The following RAB3GAP2 variants were observed in gnomAD, a reference collection of about 807,000 sequenced individuals.
RAB3GAP2 encodes the protein rab3 GTPase-activating protein non-catalytic subunit.
In RAB3GAP2, 87 loss-of-function variants were observed where a neutral mutation model predicts 185.3. That is an observed-to-expected ratio of 0.47 (90% CI 0.39 to 0.56). RAB3GAP2 has a LOEUF of 0.56. RAB3GAP2 is among the 20% of genes least tolerant of loss of function. The pLI, the probability that RAB3GAP2 is intolerant of heterozygous loss-of-function variation, is 0.00. For synonymous variants in RAB3GAP2, 554 were observed against 576.1 expected (o/e 0.96, Z 0.55); for missense variants, 1,492 against 1,638.2 (o/e 0.91, Z 1.54).
chr1:220,159,241 GC>G, intron 29 of RAB3GAP2, 144 bp downstream of exon 29: 1 of 690,992 alleles, frequency 1.4e-6, no homozygotes, highest in South Asian at 1.8e-5. Context: ...TTTCCTTAAT[GC>G]AGTATTCTCT....
chr1:220,183,741 G>A (rs1008449579), intron 19 of RAB3GAP2, among the ~76,000 whole-genome samples: 1 of 152,052 alleles, frequency 6.6e-6, no homozygotes, highest in Admixed American at 6.5e-5. Context: ...TATAAGTCCT[G>A]TATGTGGCTC....
intron 8 of RAB3GAP2, among the ~76,000 whole-genome samples, chr1:220,204,164 C>A (rs1434808788): frequency 6.6e-6 from 1 of 152,020 alleles, no homozygotes; most frequent in South Asian, 2.1e-4. Flanking sequence ...CTAAATCCAG[C>A]ATCTCATATT....
intron 25 of RAB3GAP2, 23 bp from the exon 26 acceptor site, chr1:220,167,422 G>C: frequency 6.2e-7 from 1 of 1,613,000 alleles, no homozygotes; most frequent in Non-Finnish European, 8.5e-7. Context: ...AGAAAGCAGT[G>C]ATGTTATTTT....
In RAB3GAP2 at chr1:220,158,867, C is replaced by T. The variant is rs1657908458; in HGVS notation, c.3261+519G>A. ...CACGTACACACTCTAGTCATACAAC[C>T]ATTCTCAAGAACACATCAGAAAAAG... On this transcript the variant is annotated intron_variant, in intron 29 of 34. Transcript: ENST00000358951. This position sits in a 1 kb window ranked among gnomAD's most constrained non-coding sequence, Gnocchi z 4.3. 6.6e-6 allele frequency among the ~76,000 whole-genome samples: 1 copy of T among 152,168 alleles called. No homozygotes were observed. The highest frequency in any genetic ancestry group is 2.4e-5 in the African/African-American group (1 of 41,432).
chr1:220,187,327 C>T (rs990817140), intron 17 of RAB3GAP2, among the ~76,000 whole-genome samples: 9 of 151,944 alleles, frequency 5.9e-5, no homozygotes, highest in Admixed American at 4.6e-4. Context: ...GCTAGGAGAA[C>T]CTTTTGTTCT....
rs987649382 is a variant in RAB3GAP2 at position 220,149,132 on chromosome 1, T to C, written c.*2119A>G. The C allele has an allele frequency of 8.5e-5, 13 of 152,232 alleles. No homozygotes were observed. Among genetic ancestry groups the C allele is most frequent in the African/African-American group, 3.1e-4 (13 of 41,462 alleles). The allele number at this position is 152,232 out of a possible 1,614,324, so 9.4% of individuals were successfully genotyped here. A position where few individuals can be genotyped will look rare whatever the true frequency, so the allele number is the denominator to read the frequency against. On this transcript the variant is annotated 3_prime_UTR_variant, in exon 35 of 35. Transcript: ENST00000358951. ...ATGTCTACATAGGTATTTATTTGCCTTTCTTCCTATCAATCAGATTTATTT... is the reference window on the plus strand; with the variant it reads ...ATGTCTACATAGGTATTTATTTGCCCTTCTTCCTATCAATCAGATTTATTT...
intron 1 of RAB3GAP2, chr1:220,254,354 A>G (rs959652818): frequency 1.2e-6 from 2 of 1,613,322 alleles, no homozygotes; most frequent in African/African-American, 2.7e-5. Flanking sequence ...GGAGCGCCAC[A>G]TCTCCTGAGA....
chr1:220,174,375 T>C (rs550851664), intron 21 of RAB3GAP2, among the ~76,000 whole-genome samples: 7 of 152,162 alleles, frequency 4.6e-5, no homozygotes, highest in Admixed American at 1.3e-4. Flanking sequence ...TCATCCCATA[T>C]AGACACCCTT....
chr1:220,185,896 CGTT>C (rs1026095928), intron 17 of RAB3GAP2, among the ~76,000 whole-genome samples, 155 bp from the exon 18 acceptor site: 3 of 152,008 alleles, frequency 2.0e-5, no homozygotes, highest in East Asian at 1.9e-4. Flanking sequence ...TCTCAAGTTG[CGTT>C]GTTAAGTAAT....
chr1:220,259,362 T>C (rs1003309173), intron 1 of RAB3GAP2, among the ~76,000 whole-genome samples: 2 of 152,096 alleles, frequency 1.3e-5, no homozygotes, highest in African/African-American at 4.8e-5. Context: ...CAAAACAGTA[T>C]GGTACTGGTA....
chr1:220,187,097 T>G (rs1466822009), intron 17 of RAB3GAP2, among the ~76,000 whole-genome samples: 1 of 151,454 alleles, frequency 6.6e-6, no homozygotes, highest in Non-Finnish European at 1.5e-5. Context: ...GAAATCACTA[T>G]TCACTAAATT....
At chr1:220,245,907 G>C (rs920896788) in intron 1 of RAB3GAP2, among the ~76,000 whole-genome samples, 9 of 152,146 alleles carry the variant, frequency 5.9e-5, no homozygotes, top group Admixed American at 1.3e-4. Flanking sequence ...AGCGGGGGCA[G>C]ACTGACACCT....
intron 1 of RAB3GAP2, among the ~76,000 whole-genome samples, chr1:220,255,378 A>C (rs1660016495): frequency 6.6e-6 from 1 of 152,220 alleles, no homozygotes; most frequent in Non-Finnish European, 1.5e-5. Flanking sequence ...CCTCTTCTCT[A>C]AATGACTGCA....
intron 1 of RAB3GAP2, among the ~76,000 whole-genome samples, chr1:220,246,204 T>C (rs1272859734): frequency 6.6e-6 from 1 of 152,118 alleles, no homozygotes; most frequent in Non-Finnish European, 1.5e-5. Context: ...GTCAGAGAAA[T>C]GCAAATCAAA....
Position 220,150,425 on chromosome 1 carries a change from G to C in RAB3GAP2, c.*826C>G, listed in dbSNP as rs372766433. 6.7e-6 allele frequency: 1 copy of C among 148,816 alleles called. No homozygotes were observed. Among genetic ancestry groups the C allele is most frequent in the Non-Finnish European group, 1.5e-5 (1 of 67,458 alleles). The allele number at this position is 148,816 out of a possible 1,614,324, so 9.2% of individuals were successfully genotyped here. On this transcript the variant is annotated 3_prime_UTR_variant, in exon 35 of 35. Coordinates refer to ENST00000358951, the MANE Select transcript of RAB3GAP2 (RefSeq NM_012414.4). ...AAACACTTGTAGGAAAAATAAAGTC[G>C]GACTTAAAATTTTTAGTATCTTTGC...
intron 1 of RAB3GAP2, chr1:220,254,394 C>G: frequency 6.2e-7 from 1 of 1,612,840 alleles, no homozygotes; most frequent in Non-Finnish European, 8.5e-7. Flanking sequence ...CAATGTTGGC[C>G]TATACACCTC....
chr1:220,157,847 T>A lies in RAB3GAP2; in HGVS notation c.3291A>T (p.Thr1097=), dbSNP rs1411747717. 4 of 1,613,794 alleles carry A rather than the reference T, an allele frequency of 2.5e-6. No individual in the cohort carries two copies. In the Admixed American group the frequency reaches 5.0e-5, roughly 20 times the overall value. Residue 1097 remains threonine (T), a synonymous_variant, in exon 30 of 35, where the codon ACA becomes ACT. Coordinates refer to ENST00000358951, the MANE Select transcript of RAB3GAP2 (RefSeq NM_012414.4). ...RDVGMSDTAM[T]SFLGSCLDLL... Reference sequence around the variant, plus strand: ...GATCCAAACAGGAGCCGAGGAAAGATGTCATTGCTGTGTCACTCATTCCCA... The same window carrying A: ...GATCCAAACAGGAGCCGAGGAAAGAAGTCATTGCTGTGTCACTCATTCCCA...
chr1:220,174,019 C>CAAAAAAAA (rs398050108), intron 21 of RAB3GAP2, among the ~76,000 whole-genome samples: 1 of 51,000 alleles, frequency 2.0e-5, no homozygotes, highest in African/African-American at 7.5e-5. Context: ...GACTCTGTCT[C>CAAAAAAAA]AAAAAAAAAA....
rs1431821891 is a variant in RAB3GAP2 at position 220,190,401 on chromosome 1, T to A, written c.1607A>T (p.Asn536Ile). The A allele has an allele frequency of 6.2e-7, 1 of 1,613,988 alleles. No homozygotes were observed. The highest frequency in any genetic ancestry group is 8.5e-7 in the Non-Finnish European group (1 of 1,179,990). ...DPVSGSVKTV[N>I]VPFHLALSDK... ...CCTCAGTGCTAAATGGAAGGGAACG[T>A]TCACTGTTTTCACACTTCCAGACAC... The change falls in exon 15 of 35, where the codon AAC becomes ATC. Residue 536 changes from asparagine (N) to isoleucine (I), a missense_variant. This residue lies in a region of RAB3GAP2 where 681 missense variants were observed against 689.1 expected (regional missense o/e 0.99). Transcript: ENST00000358951.
Sources: allele counts gnomAD v4.1 joint callset (sites outside exome capture counted in the v4.1 genomes callset), GRCh38; gene constraint gnomAD v4.1.1; regional missense constraint gnomAD v4.1.1; non-coding constraint Gnocchi (gnomAD v3.1); transcripts MANE v1.5; gene names NCBI Gene and HGNC (gene_info 2026-07-23, HGNC 2026-07-21).